CCDC91: variants seen among roughly 807,000 people sequenced by gnomAD.
CCDC91 encodes the protein coiled-coil domain-containing protein 91.
In CCDC91, 48 loss-of-function variants were observed where a neutral mutation model predicts 63.2. That is an observed-to-expected ratio of 0.76 (90% confidence interval 0.60 to 0.97). The LOEUF (loss-of-function observed/expected upper bound fraction) is 0.97, where lower values mean the gene tolerates loss of function less well. CCDC91 is among the 50% of genes least tolerant of loss of function. CCDC91 has a pLI of 0.00. For synonymous variants in CCDC91, 167 were observed against 165.8 expected, an observed-to-expected ratio of 1.01 and a Z score of -0.06; for missense variants, 500 against 494.6, an observed-to-expected ratio of 1.01 and a Z score of -0.10.
chr12:28,365,586 T>G (rs1210059926), intron 7 of CCDC91, among the ~76,000 whole-genome samples: 1 of 152,256 alleles, frequency 6.6e-6, no homozygotes, highest in Admixed American at 6.5e-5. Context: ...GTGAACATTC[T>G]CTTTGCATTT....
chr12:28,542,327 G>C (rs1478868493), intron 12 of CCDC91, among the ~76,000 whole-genome samples: 1 of 152,038 alleles, frequency 6.6e-6, no homozygotes, highest in African/African-American at 2.4e-5. Flanking sequence ...AAGGTTTTAA[G>C]ACTCTTTATA....
chr12:28,468,546 C>A, intron 11 of CCDC91, among the ~76,000 whole-genome samples: 1 of 151,984 alleles, frequency 6.6e-6, no homozygotes, highest in Non-Finnish European at 1.5e-5. Context: ...CCTTCTCAAA[C>A]TATTCCAATT....
At chr12:28,547,131 C>T (rs1034934351) in intron 12 of CCDC91, among the ~76,000 whole-genome samples, 1 of 151,882 alleles carries the variant, frequency 6.6e-6, no homozygotes, top group African/African-American at 2.4e-5. Context: ...TTTTAAAAAC[C>T]CATCTTTAAA....
At chr12:28,414,007 A>C (rs1164824854) in intron 8 of CCDC91, among the ~76,000 whole-genome samples, 1 of 152,166 alleles carries the variant, frequency 6.6e-6, no homozygotes, top group Admixed American at 6.6e-5. Flanking sequence ...CAGAACCACG[A>C]GTGAAAGGAA....
At chr12:28,463,795 T>A (rs1566014328) in intron 11 of CCDC91, among the ~76,000 whole-genome samples, 2 of 151,904 alleles carry the variant, frequency 1.3e-5, no homozygotes, top group Non-Finnish European at 2.9e-5. Context: ...AACAAAAAAC[T>A]TTTTTTTGAA....
At chr12:28,210,528 T>C (rs1221395453) in intron 1 of CCDC91, among the ~76,000 whole-genome samples, 1 of 152,150 alleles carries the variant, frequency 6.6e-6, no homozygotes, top group Non-Finnish European at 1.5e-5. Flanking sequence ...TAGGATGAAG[T>C]CTTTGGAAGA....
chr12:28,465,094 G>T (rs1227674094), intron 11 of CCDC91, among the ~76,000 whole-genome samples: 1 of 152,196 alleles, frequency 6.6e-6, no homozygotes, highest in Non-Finnish European at 1.5e-5. Context: ...TAGGCCTGAG[G>T]TGCAGTAGCC....
chr12:28,237,235 T>C (rs61922966), intron 1 of CCDC91, among the ~76,000 whole-genome samples: 48 of 143,126 alleles, frequency 3.4e-4, no homozygotes, highest in Admixed American at 4.9e-4. Flanking sequence ...GTATTACACA[T>C]ACACACACAC....
At chr12:28,515,876 C>A (rs375747337) in intron 12 of CCDC91, among the ~76,000 whole-genome samples, 1 of 151,860 alleles carries the variant, frequency 6.6e-6, no homozygotes, top group African/African-American at 2.4e-5. Flanking sequence ...CCCGGACCCT[C>A]ACCTCCCCAT....
chr12:28,326,089 G>A (rs1266605990), intron 6 of CCDC91, among the ~76,000 whole-genome samples: 1 of 151,978 alleles, frequency 6.6e-6, no homozygotes, highest in Non-Finnish European at 1.5e-5. Flanking sequence ...TCCAAAAAAA[G>A]TTTTTTTGTC....
intron 6 of CCDC91, among the ~76,000 whole-genome samples, chr12:28,348,905 G>T (rs529609611): frequency 2.0e-5 from 3 of 152,080 alleles, no homozygotes; most frequent in Non-Finnish European, 4.4e-5. Flanking sequence ...TCTACTTTTT[G>T]TAGAGACGGT....
At chr12:28,355,537 G>A (rs1215279659) in intron 6 of CCDC91, among the ~76,000 whole-genome samples, 1 of 152,146 alleles carries the variant, frequency 6.6e-6, no homozygotes, top group Non-Finnish European at 1.5e-5. Context: ...TCAGGGTGAT[G>A]AATTTAGTGT....
rs543062363 is a variant in CCDC91 at position 28,517,794 on chromosome 12, C to CTTTCCCCCTGAG, written c.1216-31267_1216-31256dup. On this transcript the variant is annotated intron_variant, in intron 12 of 12. Coordinates refer to ENST00000536442, the MANE Select transcript of CCDC91 (RefSeq NM_018318.5). The stretch of plus-strand genomic sequence containing the variant: ...TTTTATTCCTCACCTCCTTCCCACC[C>CTTTCCCCCTGAG]TTTCCCCCTGAGTCCCGAAAGTCCA... Among the ~76,000 whole-genome samples, 30 of 151,882 alleles carry CTTTCCCCCTGAG rather than the reference C, an allele frequency of 2.0e-4. 1 individual carries two copies. The East Asian group carries it at 5.7e-3, about 29-fold the overall frequency.
chr12:28,530,771 C>G (rs1941664144), intron 12 of CCDC91, among the ~76,000 whole-genome samples: 1 of 152,004 alleles, frequency 6.6e-6, no homozygotes, highest in Non-Finnish European at 1.5e-5. Flanking sequence ...TTAAAAACTG[C>G]TAAATAAAGC....
intron 3 of CCDC91, among the ~76,000 whole-genome samples, chr12:28,267,787 AT>A (rs1565699556): frequency 2.6e-5 from 2 of 77,786 alleles, no homozygotes; most frequent in South Asian, 3.5e-4. Flanking sequence ...TTAATATATA[AT>A]TATATATAAT....
intron 8 of CCDC91, among the ~76,000 whole-genome samples, chr12:28,409,454 C>A (rs945073359): frequency 6.6e-6 from 1 of 151,920 alleles, no homozygotes; most frequent in African/African-American, 2.4e-5. Flanking sequence ...TTTCTTTTTG[C>A]TGATTAGTTT....
intron 7 of CCDC91, among the ~76,000 whole-genome samples, chr12:28,365,471 G>A (rs1341498108): frequency 3.9e-5 from 6 of 152,128 alleles, no homozygotes; most frequent in Admixed American, 3.3e-4. Flanking sequence ...TTTTAAAGCC[G>A]TATTTTACTG....
chr12:28,380,079 A>C (rs1945199043), intron 7 of CCDC91, among the ~76,000 whole-genome samples: 1 of 152,174 alleles, frequency 6.6e-6, no homozygotes, highest in Non-Finnish European at 1.5e-5. Flanking sequence ...CAAGGACAGA[A>C]AACCAAACAC....
At chr12:28,413,792 A>C (rs1947471232) in intron 8 of CCDC91, among the ~76,000 whole-genome samples, 1 of 152,224 alleles carries the variant, frequency 6.6e-6, no homozygotes, top group Non-Finnish European at 1.5e-5. Context: ...AAAACAATTG[A>C]CATGAAATAA....
Sources: gnomAD v4.1 joint callset for allele counts (sites outside exome capture counted in the v4.1 genomes callset) on GRCh38, gnomAD v4.1.1 for gene constraint, MANE v1.5 for transcripts, NCBI Gene and HGNC (gene_info 2026-07-23, HGNC 2026-07-21) for gene names.